The following GTF2F2 variants were observed in gnomAD, a reference collection of about 807,000 sequenced individuals.
GTF2F2 encodes the protein general transcription factor IIF subunit 2.
GTF2F2 carries 23 observed loss-of-function variants against 42.2 expected under a neutral mutation model. That is an observed-to-expected ratio of 0.55 (90% CI 0.39 to 0.77). The LOEUF is 0.77. GTF2F2 is among the 30% of genes least tolerant of loss of function. The pLI, the probability that GTF2F2 is intolerant of heterozygous loss-of-function variation, is 0.00. For synonymous variants in GTF2F2, 105 were observed against 100.8 expected, an observed-to-expected ratio of 1.04 and a Z score of -0.25; for missense variants, 261 against 287.2, an observed-to-expected ratio of 0.91 and a Z score of 0.66.
chr13:45,246,941 G>A (rs1204848641), intron 5 of GTF2F2, among the ~76,000 whole-genome samples: 1 of 152,058 alleles, frequency 6.6e-6, no homozygotes. Flanking sequence ...GGGAAGATGA[G>A]GCAGGAGAAT....
At chr13:45,232,717 C>G (rs1344156206) in intron 5 of GTF2F2, among the ~76,000 whole-genome samples, 1 of 152,192 alleles carries the variant, frequency 6.6e-6, no homozygotes, top group African/African-American at 2.4e-5. Flanking sequence ...GGTCAGCCTT[C>G]TTGAACTGCA....
chr13:45,143,651 TAGG>T (rs1870043402), intron 2 of GTF2F2, among the ~76,000 whole-genome samples: 1 of 152,108 alleles, frequency 6.6e-6, no homozygotes, highest in Admixed American at 6.5e-5. Context: ...GGCCAGAAAC[TAGG>T]AGATCTGTAT....
rs188630746 is a variant in GTF2F2, at chr13:45,283,365, T to C, written c.631-77T>C. Reference sequence around the variant, plus strand: ...AATTTTTATGGCTTGCATATGTGCTTTGGCATATCATCTTATTTTAAGTTT... The same window carrying C: ...AATTTTTATGGCTTGCATATGTGCTCTGGCATATCATCTTATTTTAAGTTT... On this transcript the variant is annotated intron_variant, in intron 7 of 7. Transcript: ENST00000340473. The C allele has an allele frequency of 1.4e-5, 19 of 1,312,732 alleles. No homozygotes were observed. In the East Asian group the frequency reaches 4.4e-4, roughly 30 times the overall value. 81.3% of individuals were successfully genotyped at this position (1,312,732 alleles called of 1,614,324 possible).
chr13:45,120,548 T>A lies in GTF2F2; in HGVS notation c.-108T>A. ...GTTCTGGCAGGTAAGGAACGCCGGC[T>A]CTTCGCCTCTCAGCGCGGCTTGTCC... On this transcript the variant is annotated 5_prime_UTR_variant, in exon 1 of 8. Transcript: ENST00000340473. 1 of 752,028 alleles carries A rather than the reference T, an allele frequency of 1.3e-6. No individual in the cohort carries two copies. 46.6% of individuals were successfully genotyped at this position (752,028 alleles called of 1,614,324 possible).
chr13:45,182,405 A>C (rs911359414), intron 4 of GTF2F2, among the ~76,000 whole-genome samples: 1 of 151,898 alleles, frequency 6.6e-6, no homozygotes, highest in Admixed American at 6.6e-5. Context: ...CCACTTTCCC[A>C]ATGTTCTTAC....
intron 5 of GTF2F2, among the ~76,000 whole-genome samples, chr13:45,236,843 A>G (rs1483583565): frequency 6.6e-6 from 1 of 152,202 alleles, no homozygotes; most frequent in Non-Finnish European, 1.5e-5. Flanking sequence ...TCTGAAAGTG[A>G]CCCTGTCTCC....
chr13:45,186,862 CAT>C (rs1331420238), intron 4 of GTF2F2, among the ~76,000 whole-genome samples: 6 of 152,100 alleles, frequency 3.9e-5, no homozygotes. Context: ...AATGTCAAAA[CAT>C]ATGTGCTAAA....
In GTF2F2 at chr13:45,121,406, A is replaced by G. The variant is rs140279701; in HGVS notation, c.66+685A>G. On this transcript the variant is annotated intron_variant, in intron 1 of 7. Coordinates refer to ENST00000340473, the MANE Select transcript of GTF2F2 (RefSeq NM_004128.3). ...TAGGGGAGTTTCATAATACTTAAGC[A>G]TATTCAAAATGTGATCCTGAAAGTC... Among the ~76,000 whole-genome samples the G allele has an allele frequency of 3.6e-4, 55 of 152,358 alleles. 1 individual carries two copies. The highest frequency in any genetic ancestry group is 7.1e-4 in the Non-Finnish European group (48 of 68,038).
intron 3 of GTF2F2, among the ~76,000 whole-genome samples, chr13:45,150,231 G>A (rs1007905846): frequency 6.6e-6 from 1 of 152,126 alleles, no homozygotes; most frequent in Non-Finnish European, 1.5e-5. Context: ...TTGTTTATAA[G>A]TCTGTTTAGT....
chr13:45,241,438 A>G (rs1039092145), intron 5 of GTF2F2, among the ~76,000 whole-genome samples: 7 of 152,152 alleles, frequency 4.6e-5, no homozygotes, highest in African/African-American at 7.2e-5. Context: ...ATTTTCTGCA[A>G]TGGTAGAAGT....
chr13:45,195,574 A>G (rs545271465), intron 4 of GTF2F2, among the ~76,000 whole-genome samples: 1 of 152,320 alleles, frequency 6.6e-6, no homozygotes, highest in African/African-American at 2.4e-5. Context: ...ATAAATCACC[A>G]AAGCCTAACC....
chr13:45,222,371 T>TC (rs776316181), intron 5 of GTF2F2, among the ~76,000 whole-genome samples: 1 of 151,980 alleles, frequency 6.6e-6, no homozygotes, highest in Non-Finnish European at 1.5e-5. Context: ...CAAGGGCCCT[T>TC]CCCTTGTTAA....
rs758096928 is a variant in GTF2F2, at chr13:45,121,344, T to C, written c.66+623T>C. 1.1e-4 allele frequency among the ~76,000 whole-genome samples: 17 copies of C among 152,260 alleles called. 1 individual carries two copies. The highest frequency in any genetic ancestry group is 2.2e-4 in the Non-Finnish European group (15 of 68,042). ...TGGTTAGCTCACAGTAAGCACTATT[T>C]GTGCTTTATTGTTTCATATTGGGGA... is the stretch of plus-strand genomic sequence containing the variant. On this transcript the variant is annotated intron_variant, in intron 1 of 7. Transcript: ENST00000340473.
chr13:45,163,121 T>C (rs1392181733), intron 4 of GTF2F2, among the ~76,000 whole-genome samples: 2 of 152,080 alleles, frequency 1.3e-5, no homozygotes, highest in African/African-American at 4.8e-5. Context: ...GGAAGTCCAG[T>C]GTTTAGCTTG....
At chr13:45,192,287 A>G (rs1057261740) in intron 4 of GTF2F2, among the ~76,000 whole-genome samples, 1 of 152,074 alleles carries the variant, frequency 6.6e-6, no homozygotes, top group African/African-American at 2.4e-5. Flanking sequence ...TTTTGAAGGA[A>G]TTTTTTTGTA....
intron 7 of GTF2F2, among the ~76,000 whole-genome samples, chr13:45,270,091 C>G (rs536000751): frequency 1.3e-5 from 2 of 152,128 alleles, no homozygotes; most frequent in African/African-American, 4.8e-5. Flanking sequence ...CTCAGCCTCC[C>G]GAAGTGCTGA....
chr13:45,180,987 C>T (rs1341367152), intron 4 of GTF2F2, among the ~76,000 whole-genome samples: 1 of 151,168 alleles, frequency 6.6e-6, no homozygotes, highest in African/African-American at 2.5e-5. Flanking sequence ...ACAGTGAAAC[C>T]CCGTCTCTAC....
intron 7 of GTF2F2, among the ~76,000 whole-genome samples, chr13:45,280,769 T>C (rs888435202): frequency 4.6e-5 from 7 of 152,244 alleles, no homozygotes; most frequent in African/African-American, 1.4e-4. Context: ...GATTTTCATT[T>C]TCTGGGCCTA....
intron 1 of GTF2F2, 78 bp downstream of exon 1, chr13:45,120,799 T>G: frequency 9.4e-7 from 1 of 1,064,908 alleles, no homozygotes; most frequent in Non-Finnish European, 1.4e-6. Context: ...TCCCGCTCCG[T>G]GCGCCTCTTA....
Sources: allele counts gnomAD v4.1 joint callset (sites outside exome capture counted in the v4.1 genomes callset), GRCh38; gene constraint gnomAD v4.1.1; transcripts MANE v1.5; gene names NCBI Gene and HGNC (gene_info 2026-07-23, HGNC 2026-07-21).